ZHX3: variants seen among roughly 807,000 people sequenced by gnomAD.
ZHX3 encodes zinc fingers and homeoboxes protein 3.
Under a neutral mutation model 64.5 loss-of-function variants are expected in ZHX3, and 20 were observed. The ratio of observed to expected loss-of-function variants is 0.31; its 90% CI spans 0.22 to 0.45. The LOEUF is 0.45. ZHX3 is among the 20% of genes least tolerant of loss of function. The pLI, the probability that ZHX3 is intolerant of heterozygous loss-of-function variation, is 1.00. For missense variants in ZHX3, 1,041 were observed against 1,195.8 expected, an observed-to-expected ratio of 0.87 and a Z score of 1.91; for synonymous variants, 423 against 461.6, an observed-to-expected ratio of 0.92 and a Z score of 1.07.
At position 41,184,964 on chromosome 20, in the gene ZHX3, G is replaced by A; in HGVS notation, c.*227C>T. 6.5e-7 allele frequency: 1 copy of A among 1,547,764 alleles called. No individual in the cohort carries two copies. Among genetic ancestry groups the A allele is most frequent in the Non-Finnish European group, 8.7e-7 (1 of 1,146,972 alleles). On this transcript the variant is annotated 3_prime_UTR_variant, in exon 4 of 4. Transcript: ENST00000683867. ...GGTAAAGGAAAGGTCCTACATTGTGGGAGGAAGAACTGATGAGAACCCCAT... is the reference window on the plus strand; with the variant it reads ...GGTAAAGGAAAGGTCCTACATTGTGAGAGGAAGAACTGATGAGAACCCCAT...
chr20:41,245,764 C>T (rs2041654029), intron 2 of ZHX3, among the ~76,000 whole-genome samples: 1 of 152,180 alleles, frequency 6.6e-6, no homozygotes, highest in Non-Finnish European at 1.5e-5. Flanking sequence ...CTAGCAATTT[C>T]TAACAGTGAT....
Position 41,204,141 on chromosome 20 carries a change from C to T in ZHX3, c.776G>A (p.Gly259Glu). 6.2e-7 allele frequency: 1 copy of T among 1,606,956 alleles called. No individual in the cohort carries two copies. ...NPHAANGPLI[G>E]TVPVLPAGIA... is the part of the protein sequence containing the mutation. ...GCCAGCTGGCAAAACTGGCACTGTT[C>T]CTATCAGGGGCCCGTTGGCGGCATG... The change falls in exon 3 of 4, where the codon GGA (glycine) becomes GAA (glutamate). Residue 259 changes from glycine (G) to glutamate (E), a missense_variant. Gly to Glu is a moderately conservative substitution (Grantham distance 98). This residue lies in a region of ZHX3 where 358 missense variants were observed against 369.1 expected (regional missense o/e 0.97). Transcript: ENST00000683867. The surrounding 1 kb of genome is among the most constrained non-coding windows in gnomAD (Gnocchi z 6.6).
chr20:41,281,679 T>A (rs899712359), intron 1 of ZHX3, among the ~76,000 whole-genome samples: 1 of 152,176 alleles, frequency 6.6e-6, no homozygotes, highest in Non-Finnish European at 1.5e-5. Flanking sequence ...CTCCAGGAAC[T>A]GGAAGGATGG....
chr20:41,279,205 C>T (rs2043545134), intron 1 of ZHX3, among the ~76,000 whole-genome samples: 1 of 152,200 alleles, frequency 6.6e-6, no homozygotes, highest in South Asian at 2.1e-4. Flanking sequence ...TATTGCCAAA[C>T]TGCACTGAGT....
rs1374869831 is a variant in ZHX3, at chr20:41,200,296, G to C, written c.2860+1761C>G. Among the ~76,000 whole-genome samples the C allele has an allele frequency of 6.6e-6, 1 of 152,146 alleles. No homozygotes were observed. The highest frequency in any genetic ancestry group is 2.4e-5 in the African/African-American group (1 of 41,404). ...CATCTTCCATAACATCATTCTCCATGTCAGCTTTCGTAATCAACTTGTTCA... is the reference window on the plus strand; with the variant it reads ...CATCTTCCATAACATCATTCTCCATCTCAGCTTTCGTAATCAACTTGTTCA... On this transcript the variant is annotated intron_variant, in intron 3 of 3. Coordinates refer to ENST00000683867, the MANE Select transcript of ZHX3 (RefSeq NM_001384317.1). This position sits in a 1 kb window ranked among gnomAD's most constrained non-coding sequence, Gnocchi z 4.2.
intron 3 of ZHX3, among the ~76,000 whole-genome samples, chr20:41,186,708 G>A (rs577634407): frequency 1.6e-4 from 25 of 152,300 alleles, no homozygotes; most frequent in African/African-American, 6.0e-4. Context: ...GTGGTATCAC[G>A]CTGTGGTTTT....
At chr20:41,270,281 G>A (rs2043069746) in intron 1 of ZHX3, among the ~76,000 whole-genome samples, 1 of 149,796 alleles carries the variant, frequency 6.7e-6, no homozygotes, top group Non-Finnish European at 1.5e-5. Context: ...TCAGGGGGCT[G>A]AGGCAGAAGA....
intron 1 of ZHX3, among the ~76,000 whole-genome samples, chr20:41,271,483 T>C (rs2043146684): frequency 6.6e-6 from 1 of 152,232 alleles, no homozygotes; most frequent in Non-Finnish European, 1.5e-5. Context: ...CAATCCACTA[T>C]AAACCAGTTA....
At chr20:41,303,710 C>T (rs895290550) in intron 1 of ZHX3, among the ~76,000 whole-genome samples, 4 of 152,188 alleles carry the variant, frequency 2.6e-5, no homozygotes, top group African/African-American at 9.7e-5. Flanking sequence ...CCTGTTCAAG[C>T]ACTTATCCTT....
chr20:41,247,583 T>C (rs1205948158), intron 2 of ZHX3, among the ~76,000 whole-genome samples: 1 of 152,118 alleles, frequency 6.6e-6, no homozygotes, highest in Non-Finnish European at 1.5e-5. Flanking sequence ...TTAAGTAGCA[T>C]GTTCAGGCTT....
chr20:41,225,276 C>T (rs6029578), intron 2 of ZHX3, among the ~76,000 whole-genome samples: 1 of 152,158 alleles, frequency 6.6e-6, no homozygotes, highest in African/African-American at 2.4e-5. Context: ...AGCATGCTGT[C>T]TGATATACAG....
chr20:41,249,905 G>C (rs36026508), intron 2 of ZHX3, among the ~76,000 whole-genome samples: 1 of 152,142 alleles, frequency 6.6e-6, no homozygotes, highest in Non-Finnish European at 1.5e-5. Flanking sequence ...GAAGGTGGCC[G>C]AGGGTGTTTC....
rs2040128656 is a variant in ZHX3, at chr20:41,224,265, C to T, written c.-150-19199G>A. Among the ~76,000 whole-genome samples, 1 of 152,156 alleles carries T rather than the reference C, an allele frequency of 6.6e-6. No homozygotes were observed. The highest frequency in any genetic ancestry group is 2.1e-4 in the South Asian group (1 of 4,828). On this transcript the variant is annotated intron_variant, in intron 2 of 3. Coordinates refer to ENST00000683867, the MANE Select transcript of ZHX3 (RefSeq NM_001384317.1). This position sits in a 1 kb window ranked among gnomAD's most constrained non-coding sequence, Gnocchi z 5.2. Reference sequence around the variant, plus strand: ...GCCCCTTTCTTAGTTGGACCTGGTTCCCAGCTTTTAGATTTGTCTTTTGGA... The same window carrying T: ...GCCCCTTTCTTAGTTGGACCTGGTTTCCAGCTTTTAGATTTGTCTTTTGGA...
At chr20:41,208,743 TG>T (rs1172181452) in intron 2 of ZHX3, among the ~76,000 whole-genome samples, 3 of 152,168 alleles carry the variant, frequency 2.0e-5, no homozygotes, top group South Asian at 2.1e-4. Context: ...TCATACTGAA[TG>T]GGCAAAAACT....
chr20:41,285,631 ATAAAG>A (rs1199963276), intron 1 of ZHX3, among the ~76,000 whole-genome samples: 9 of 152,370 alleles, frequency 5.9e-5, no homozygotes, highest in East Asian at 1.9e-4. Context: ...ATTTATCAAA[ATAAAG>A]TAATCAAAAC....
chr20:41,251,598 CA>C (rs1306224773), intron 2 of ZHX3, among the ~76,000 whole-genome samples: 1 of 152,122 alleles, frequency 6.6e-6, no homozygotes, highest in East Asian at 1.9e-4. Flanking sequence ...GATCTAAATA[CA>C]CCAACTAAAA....
intron 2 of ZHX3, among the ~76,000 whole-genome samples, chr20:41,244,385 G>C (rs560887198): frequency 6.6e-6 from 1 of 152,240 alleles, no homozygotes; most frequent in East Asian, 1.9e-4. Flanking sequence ...TAAAGCAAAC[G>C]GAGGGTCAGG....
At chr20:41,239,381 G>T (rs1364626970) in intron 2 of ZHX3, among the ~76,000 whole-genome samples, 3 of 152,092 alleles carry the variant, frequency 2.0e-5, no homozygotes, top group African/African-American at 7.2e-5. Flanking sequence ...TGACAGCAAG[G>T]TAACTCCAGC....
At chr20:41,269,186 T>G (rs962709311) in intron 1 of ZHX3, 103 bp from the exon 2 acceptor site, 5 of 152,166 alleles carry the variant, frequency 3.3e-5, no homozygotes, top group African/African-American at 1.2e-4. Context: ...GCACTAGAAC[T>G]ATACATAAAC....
Sources: gnomAD v4.1 joint callset for allele counts (sites outside exome capture counted in the v4.1 genomes callset) on GRCh38, gnomAD v4.1.1 for gene constraint, gnomAD v4.1.1 regional missense constraint, Gnocchi (gnomAD v3.1) non-coding constraint, MANE v1.5 for transcripts, NCBI Gene and HGNC (gene_info 2026-07-23, HGNC 2026-07-21) for gene names.